Variants in GRAMD4 observed in about 807,000 individuals in gnomAD.
The protein encoded by GRAMD4 is GRAM domain containing 4, also known as GRAM domain-containing protein 4.
Under a neutral mutation model 83.9 loss-of-function variants are expected in GRAMD4, and 25 were observed. The observed-to-expected ratio is 0.30, with a 90% CI of 0.22 to 0.42. GRAMD4 has a LOEUF of 0.42. Among genes scored for constraint, GRAMD4 ranks in the 10% least tolerant of loss-of-function variants. The probability of loss-of-function intolerance (pLI) is 1.00; values close to 1 mark genes in which losing one functional copy is unlikely to be tolerated. For synonymous variants in GRAMD4, 336 were observed against 320.9 expected, an observed-to-expected ratio of 1.05 and a Z score of -0.50; for missense variants, 593 against 788.7, an observed-to-expected ratio of 0.75 and a Z score of 2.97.
chr22:46,658,080 C>A, intron 3 of GRAMD4, 107 bp from the exon 4 acceptor site: 1 of 1,387,062 alleles, frequency 7.2e-7, no homozygotes, highest in Non-Finnish European at 1.0e-6. Context: ...GCTTACGGAG[C>A]AGAGACCCCT....
chr22:46,672,849 A>G lies in GRAMD4; in HGVS notation c.1091A>G (p.Tyr364Cys). ...YRLVGLAVGL[Y>C]AGIKFFLIDF... is the part of the protein sequence containing the mutation. ...CTGTGTCCCCTGCCCTCAGGACTCT[A>G]TGCTGGTATCAAGTTCTTCCTCATT... Residue 364 changes from tyrosine (Y) to cysteine (C), a missense_variant, in exon 14 of 19, where the codon TAT (tyrosine) becomes TGT (cysteine). Around this residue, in one of 4 missense-constraint regions of GRAMD4, gnomAD observed 171 missense variants for 199.6 expected, o/e 0.86. Coordinates refer to ENST00000406902, the MANE Select transcript of GRAMD4 (RefSeq NM_015124.5). This position sits in a 1 kb window ranked among gnomAD's most constrained non-coding sequence, Gnocchi z 4.7. 1.2e-6 allele frequency: 2 copies of G among 1,612,200 alleles called. No individual in the cohort carries two copies. Among genetic ancestry groups the G allele is most frequent in the Non-Finnish European group, 1.7e-6 (2 of 1,179,136 alleles).
chr22:46,670,705 A>G (rs929758863), intron 13 of GRAMD4, among the ~76,000 whole-genome samples: 1 of 151,940 alleles, frequency 6.6e-6, no homozygotes, highest in Non-Finnish European at 1.5e-5. Context: ...CCCTGAGTTT[A>G]AGTGATTGTC....
intron 2 of GRAMD4, among the ~76,000 whole-genome samples, chr22:46,631,463 A>G (rs897703486): frequency 2.2e-5 from 3 of 138,550 alleles, no homozygotes; most frequent in Non-Finnish European, 4.7e-5. Context: ...GGATGGGTAG[A>G]ACCTCACGGC....
At chr22:46,611,393 C>T (rs907581117) in intron 1 of GRAMD4, among the ~76,000 whole-genome samples, 33 of 151,986 alleles carry the variant, frequency 2.2e-4, no homozygotes, top group Non-Finnish European at 3.5e-4. Flanking sequence ...CTGGGGCTGT[C>T]GTGGGGTTTA....
intron 1 of GRAMD4, among the ~76,000 whole-genome samples, chr22:46,590,409 G>A (rs1051484094): frequency 1.3e-5 from 2 of 152,192 alleles, no homozygotes; most frequent in Non-Finnish European, 2.9e-5. Flanking sequence ...AGAAGGTGCC[G>A]GGGATGGGTG....
intron 1 of GRAMD4, among the ~76,000 whole-genome samples, chr22:46,613,079 C>T (rs941421292): frequency 6.6e-6 from 1 of 152,228 alleles, no homozygotes; most frequent in African/African-American, 2.4e-5. Flanking sequence ...GCCTCCCCAG[C>T]GCCTGTGGTT....
At position 46,678,621 on chromosome 22, in the gene GRAMD4, C is replaced by G. The variant is rs192461643; in HGVS notation, c.*1370C>G. The stretch of plus-strand genomic sequence containing the variant: ...AGCTTGTCCTGAGTCCCTTGGGTGT[C>G]GTTGAGATTGTTGTTTTTTGAAGAA... On this transcript the variant is annotated 3_prime_UTR_variant, in exon 19 of 19. Transcript: ENST00000406902. 1.0e-6 allele frequency: 1 copy of G among 985,346 alleles called. No individual in the cohort carries two copies. Among genetic ancestry groups the G allele is most frequent in the Admixed American group, 6.1e-5 (1 of 16,266 alleles). 61.0% of individuals were successfully genotyped at this position (985,346 alleles called of 1,614,324 possible). A position where few individuals can be genotyped will look rare whatever the true frequency, so the allele number is the denominator to read the frequency against.
intron 1 of GRAMD4, among the ~76,000 whole-genome samples, chr22:46,589,247 G>A (rs2081182357): frequency 6.6e-6 from 1 of 151,126 alleles, no homozygotes; most frequent in Non-Finnish European, 1.5e-5. Flanking sequence ...CCTGGCTCTT[G>A]GGGGGAGTCC....
intron 3 of GRAMD4, among the ~76,000 whole-genome samples, chr22:46,641,678 G>A (rs541789993): frequency 2.6e-5 from 4 of 152,270 alleles, no homozygotes; most frequent in East Asian, 3.9e-4. Context: ...GGTGACCCTC[G>A]GGGGACTATC....
chr22:46,679,836 C>G, downstream of GRAMD4: 1 of 977,118 alleles, frequency 1.0e-6, no homozygotes, highest in Non-Finnish European at 1.2e-6. Context: ...TGTAGGCGGC[C>G]TGAGCCAGCT....
At chr22:46,610,969 C>G (rs952701088) in intron 1 of GRAMD4, among the ~76,000 whole-genome samples, 4 of 152,038 alleles carry the variant, frequency 2.6e-5, no homozygotes, top group African/African-American at 9.7e-5. Context: ...AATCCCAGCA[C>G]TTTGGGTGGC....
chr22:46,603,320 G>C (rs2081331237), intron 1 of GRAMD4, among the ~76,000 whole-genome samples: 1 of 143,876 alleles, frequency 7.0e-6, no homozygotes, highest in Non-Finnish European at 1.5e-5. Flanking sequence ...CCATTCTCCT[G>C]CCTCAGCCTC....
chr22:46,652,011 G>A (rs986746579), intron 3 of GRAMD4, among the ~76,000 whole-genome samples: 2 of 152,300 alleles, frequency 1.3e-5, no homozygotes, highest in African/African-American at 4.8e-5. Context: ...GTCCCAGCCT[G>A]CCTAGGCACT....
chr22:46,619,889 G>T (rs1380308831), upstream of GRAMD4, among the ~76,000 whole-genome samples: 1 of 152,190 alleles, frequency 6.6e-6, no homozygotes, highest in Admixed American at 6.5e-5. Flanking sequence ...GAGTCCCCCA[G>T]GGACATTGCT....
chr22:46,619,275 C>T (rs537448733), upstream of GRAMD4, among the ~76,000 whole-genome samples: 4 of 152,290 alleles, frequency 2.6e-5, no homozygotes, highest in Admixed American at 6.5e-5. Flanking sequence ...CCTTGGGCCT[C>T]TTTGCATCAG....
rs1268214802 is a variant in GRAMD4, at chr22:46,677,959, C to T, written c.*708C>T. 3 of 985,252 alleles carry T rather than the reference C, an allele frequency of 3.0e-6. No homozygotes were observed. Among genetic ancestry groups the T allele is most frequent in the African/African-American group, 3.5e-5 (2 of 57,284 alleles). The allele number at this position is 985,252 out of a possible 1,614,324, so 61.0% of individuals were successfully genotyped here. ...CCTTGCTGGCCTCCAGGGCGCTCAG[C>T]ACCGCGTCTGTAAGGGCCTGCCTGC... On this transcript the variant is annotated 3_prime_UTR_variant, in exon 19 of 19. Coordinates refer to ENST00000406902, the MANE Select transcript of GRAMD4 (RefSeq NM_015124.5).
rs375546609 is a variant in GRAMD4, at chr22:46,606,571, C to A, written c.-49-20180C>A. ...GAGCATGTCTGCATGGGCCTATGGC[C>A]GGTGCTGAGCATCTCTGCATGGGTT... On this transcript the variant is annotated intron_variant, in intron 1 of 1. Transcript: ENST00000431155. Among the ~76,000 whole-genome samples the A allele has an allele frequency of 1.1e-3, 107 of 100,484 alleles. 11 individuals carry two copies. The highest frequency in any genetic ancestry group is 1.3e-3 in the Admixed American group (12 of 9,022). 65.9% of individuals were successfully genotyped at this position (100,484 alleles called of 152,430 possible). A position where few individuals can be genotyped will look rare whatever the true frequency, so the allele number is the denominator to read the frequency against.
At chr22:46,584,882 AAGG>A (rs2081133512) in intron 1 of GRAMD4, among the ~76,000 whole-genome samples, 1 of 152,096 alleles carries the variant, frequency 6.6e-6, no homozygotes, top group Admixed American at 6.5e-5. Flanking sequence ...CTCCTCGGGG[AAGG>A]AGGAGAAAGG....
intron 2 of GRAMD4, among the ~76,000 whole-genome samples, chr22:46,636,753 C>T (rs1439891858): frequency 3.3e-5 from 5 of 152,230 alleles, no homozygotes; most frequent in Admixed American, 1.3e-4. Flanking sequence ...CAGTGTGGGG[C>T]CCAGGCAGGC....
Sources: gnomAD v4.1 joint callset for allele counts (sites outside exome capture counted in the v4.1 genomes callset) on GRCh38, gnomAD v4.1.1 for gene constraint, gnomAD v4.1.1 regional missense constraint, Gnocchi (gnomAD v3.1) non-coding constraint, MANE v1.5 for transcripts, NCBI Gene and HGNC (gene_info 2026-07-23, HGNC 2026-07-21) for gene names.